The following USP8 variants were observed in gnomAD, a reference collection of about 807,000 sequenced individuals.
USP8 encodes ubiquitin carboxyl-terminal hydrolase 8.
USP8 carries 27 observed loss-of-function variants against 130.0 expected under a neutral mutation model. The ratio of observed to expected loss-of-function variants is 0.21; its 90% CI spans 0.15 to 0.29. USP8 has a LOEUF of 0.29. Among genes scored for constraint, USP8 ranks in the 10% least tolerant of loss-of-function variants. The probability of loss-of-function intolerance (pLI) is 1.00; values close to 1 mark genes in which losing one functional copy is unlikely to be tolerated. For missense variants in USP8, 1,029 were observed against 1,312.2 expected (o/e 0.78, Z 3.33); for synonymous variants, 392 against 444.1 (o/e 0.88, Z 1.48).
At chr15:50,461,055 C>T (rs958063902) in intron 5 of USP8, among the ~76,000 whole-genome samples, 7 of 151,782 alleles carry the variant, frequency 4.6e-5, no homozygotes, top group African/African-American at 9.7e-5. Context: ...TGCAGTGGCG[C>T]GATCTCAGCT....
In USP8 at chr15:50,507,365, G is replaced by A. The variant is rs1209001718; in HGVS notation, c.*8277G>A. 3.9e-5 allele frequency: 6 copies of A among 152,200 alleles called. No individual in the cohort carries two copies. Among genetic ancestry groups the A allele is most frequent in the Non-Finnish European group, 1.5e-5 (1 of 68,048 alleles). The allele number at this position is 152,200 out of a possible 1,614,324, so 9.4% of individuals were successfully genotyped here. A position where few individuals can be genotyped will look rare whatever the true frequency, so the allele number is the denominator to read the frequency against. ...CTCAGAAAAGGTGTATTTCCCTTGA[G>A]CATCATGTTGGTGCTTAAAATGTTT... On this transcript the variant is annotated 3_prime_UTR_variant, in exon 20 of 20. Coordinates refer to ENST00000307179, the MANE Select transcript of USP8 (RefSeq NM_005154.5).
chr15:50,452,089 C>T (rs1020478330), intron 4 of USP8, among the ~76,000 whole-genome samples: 1 of 152,206 alleles, frequency 6.6e-6, no homozygotes, highest in Non-Finnish European at 1.5e-5. Context: ...GAAAAAAATG[C>T]TTTAGCAAAA....
intron 3 of USP8, among the ~76,000 whole-genome samples, chr15:50,442,966 A>G (rs2050308909): frequency 6.6e-6 from 1 of 152,132 alleles, no homozygotes; most frequent in African/African-American, 2.4e-5. Flanking sequence ...TGGTGGTAGA[A>G]TTGGCTTCTA....
chr15:50,498,368 G>A, intron 18 of USP8: 1 of 445,204 alleles, frequency 2.2e-6, no homozygotes, highest in South Asian at 4.5e-5. Flanking sequence ...TACCATTCTG[G>A]CTGTTTGACC....
intron 8 of USP8, among the ~76,000 whole-genome samples, chr15:50,476,540 C>T (rs781410443): frequency 1.3e-5 from 2 of 152,104 alleles, no homozygotes; most frequent in Non-Finnish European, 2.9e-5. Context: ...ATTGAAAACT[C>T]TCTATAAGAG....
Position 50,489,867 on chromosome 15 carries a change from T to G in USP8, c.1957T>G (p.Ser653Ala), listed in dbSNP as rs1292386237. ...EMGRIVPGLP[S>A]GWAKFLDPIT... ...GGGGAGGATCGTACCAGGACTGCCT[T>G]CAGGCTGGGCCAAGGTAAAAGTCAG... The change falls in exon 13 of 20, where the codon TCA (serine) becomes GCA (alanine). Residue 653 changes from serine (S) to alanine (A), a missense_variant. By Grantham distance (99) the Ser-to-Ala change is moderately conservative. Around this residue, in one of 4 missense-constraint regions of USP8, gnomAD observed 486 missense variants for 522.0 expected, o/e 0.93. Transcript: ENST00000307179. 1 of 1,582,706 alleles carries G rather than the reference T, an allele frequency of 6.3e-7. No homozygotes were observed. Among genetic ancestry groups the G allele is most frequent in the African/African-American group, 1.4e-5 (1 of 73,496 alleles).
At chr15:50,433,650 G>A (rs1335022631) in intron 1 of USP8, among the ~76,000 whole-genome samples, 1 of 152,048 alleles carries the variant, frequency 6.6e-6, no homozygotes, top group Non-Finnish European at 1.5e-5. Context: ...CTGTTGCCCA[G>A]GCTGCAGTGC....
At chr15:50,470,297 G>C (rs554433184) in intron 7 of USP8, among the ~76,000 whole-genome samples, 1 of 152,306 alleles carries the variant, frequency 6.6e-6, no homozygotes, top group South Asian at 2.1e-4. Flanking sequence ...TTTGTCTTAT[G>C]TTGAGTGCCT....
intron 16 of USP8, 140 bp from the exon 17 acceptor site, chr15:50,495,708 A>T: frequency 1.6e-6 from 1 of 619,070 alleles, no homozygotes; most frequent in Non-Finnish European, 2.7e-6. Context: ...ATTTTTTGCC[A>T]CACTCAGTGA....
chr15:50,465,265 T>C, intron 7 of USP8, 74 bp downstream of exon 7: 1 of 1,469,940 alleles, frequency 6.8e-7, no homozygotes, highest in Non-Finnish European at 9.1e-7. Context: ...ATGTTACTAC[T>C]TAGCATCCAA....
At chr15:50,444,005 A>G (rs2050340765) in intron 3 of USP8, among the ~76,000 whole-genome samples, 1 of 152,024 alleles carries the variant, frequency 6.6e-6, no homozygotes, top group Non-Finnish European at 1.5e-5. Context: ...AACGCAGTGT[A>G]AGTGGTGCTC....
Position 50,445,008 on chromosome 15 carries a change from T to A in USP8, c.249+3515T>A, listed in dbSNP as rs564348659. Among the ~76,000 whole-genome samples, 6 of 152,274 alleles carry A rather than the reference T, an allele frequency of 3.9e-5. No individual in the cohort carries two copies. The South Asian group carries it at 1.2e-3, about 32-fold the overall frequency. On this transcript the variant is annotated intron_variant, in intron 3 of 19. Transcript: ENST00000307179. ...CCTGGGCTCAGGTGGTCTGCCTGCCTCGGCCTCCCAAAGTGCTGGGATTAC... is the reference window on the plus strand; with the variant it reads ...CCTGGGCTCAGGTGGTCTGCCTGCCACGGCCTCCCAAAGTGCTGGGATTAC...
chr15:50,462,697 G>A (rs553835313), intron 6 of USP8, among the ~76,000 whole-genome samples: 1 of 152,112 alleles, frequency 6.6e-6, no homozygotes, highest in African/African-American at 2.4e-5. Flanking sequence ...CTCCCTTTCC[G>A]CCTGGTTTTC....
chr15:50,456,901 A>G (rs1023835090), intron 4 of USP8, among the ~76,000 whole-genome samples: 2 of 152,310 alleles, frequency 1.3e-5, no homozygotes, highest in Middle Eastern at 3.4e-3. Context: ...GAAAAAGAAA[A>G]AAAAGAAAAG....
In USP8 at chr15:50,497,309, G is replaced by A; in HGVS notation, c.3038+78G>A. On this transcript the variant is annotated intron_variant, in intron 18 of 19. Coordinates refer to ENST00000307179, the MANE Select transcript of USP8 (RefSeq NM_005154.5). ...AAGTTCTGTGTAATTTATACTTGTT[G>A]TACTGCCTGCCATGGGCACATAACA... 3 of 1,500,832 alleles carry A rather than the reference G, an allele frequency of 2.0e-6. No homozygotes were observed. In the South Asian group the frequency reaches 4.1e-5, roughly 21 times the overall value. The allele number at this position is 1,500,832 out of a possible 1,614,324, so 93.0% of individuals were successfully genotyped here.
rs752867013 is a variant in USP8 at position 50,492,714 on chromosome 15, C to T, written c.2248C>T (p.Pro750Ser). 1 of 1,613,700 alleles carries T rather than the reference C, an allele frequency of 6.2e-7. No homozygotes were observed. Among genetic ancestry groups the T allele is most frequent in the African/African-American group, 1.3e-5 (1 of 75,022 alleles). The change falls in exon 15 of 20, where the codon CCT becomes TCT. Residue 750 changes from proline to serine, a missense_variant. This residue lies in a region of USP8 where 486 missense variants were observed against 522.0 expected (regional missense o/e 0.93). Coordinates refer to ENST00000307179, the MANE Select transcript of USP8 (RefSeq NM_005154.5). ...TTTCTTCCTCAGGCCAACATGTTAT[C>T]CTAAAGCTGAGATCTCAAGGCTTTC... ...VNRENKPTCY[P>S]KAEISRLSAS...
In USP8 at chr15:50,495,709, C is replaced by T. The variant is rs573172567; in HGVS notation, c.2659-139C>T. 15 of 644,580 alleles carry T rather than the reference C, an allele frequency of 2.3e-5. No individual in the cohort carries two copies. The South Asian group carries it at 2.8e-4, about 12-fold the overall frequency. The allele number at this position is 644,580 out of a possible 1,614,324, so 39.9% of individuals were successfully genotyped here. A position where few individuals can be genotyped will look rare whatever the true frequency, so the allele number is the denominator to read the frequency against. ...TTTTGGCTAGAATTATTTTTTGCCACACTCAGTGAGATCAGAACTCCTTTA... is the reference window on the plus strand; with the variant it reads ...TTTTGGCTAGAATTATTTTTTGCCATACTCAGTGAGATCAGAACTCCTTTA... On this transcript the variant is annotated intron_variant, in intron 16 of 19. Transcript: ENST00000307179.
At chr15:50,493,139 A>G in intron 15 of USP8, 1 of 616,860 alleles carries the variant, frequency 1.6e-6, no homozygotes, top group Non-Finnish European at 3.0e-6. Flanking sequence ...TAGAAGGTGG[A>G]AGCGAAAGAG....
chr15:50,454,155 C>T (rs2050714771), intron 4 of USP8, among the ~76,000 whole-genome samples: 1 of 152,152 alleles, frequency 6.6e-6, no homozygotes, highest in South Asian at 2.1e-4. Flanking sequence ...TGAGCTACCA[C>T]ACCCCGCCCT....
Sources: allele counts gnomAD v4.1 joint callset (sites outside exome capture counted in the v4.1 genomes callset), GRCh38; gene constraint gnomAD v4.1.1; regional missense constraint gnomAD v4.1.1; transcripts MANE v1.5; gene names NCBI Gene and HGNC (gene_info 2026-07-23, HGNC 2026-07-21).